Variants in HNMT observed in about 807,000 individuals in gnomAD.
HNMT encodes the protein histamine N-methyltransferase.
HNMT carries 30 observed loss-of-function variants against 32.1 expected under a neutral mutation model. That is an observed-to-expected ratio of 0.93 (90% CI 0.70 to 1.27). The LOEUF is 1.27. Among genes scored for constraint, HNMT ranks in the 50% most tolerant of loss-of-function variants. HNMT has a pLI of 0.00. For synonymous variants in HNMT, 125 were observed against 119.0 expected (o/e 1.05, Z -0.33); for missense variants, 327 against 346.0 (o/e 0.95, Z 0.43).
intron 5 of HNMT, among the ~76,000 whole-genome samples, chr2:138,005,693 T>C (rs1014297083): frequency 2.0e-5 from 3 of 152,080 alleles, no homozygotes; most frequent in African/African-American, 4.8e-5. Flanking sequence ...TATAGGTTTT[T>C]TCAAATGCCT....
At chr2:137,996,870 C>T (rs1266244461) in intron 2 of HNMT, among the ~76,000 whole-genome samples, 1 of 152,088 alleles carries the variant, frequency 6.6e-6, no homozygotes, top group Non-Finnish European at 1.5e-5. Context: ...TAACACCACA[C>T]ACCTACAACC....
chr2:137,984,486 G>A (rs1310342958), intron 2 of HNMT, among the ~76,000 whole-genome samples: 1 of 152,136 alleles, frequency 6.6e-6, no homozygotes, highest in African/African-American at 2.4e-5. Flanking sequence ...CAATGTCAAT[G>A]TGCCTATTAA....
intron 5 of HNMT, among the ~76,000 whole-genome samples, chr2:138,011,317 G>C (rs960748437): frequency 1.3e-5 from 2 of 152,050 alleles, no homozygotes; most frequent in Non-Finnish European, 2.9e-5. Context: ...ACAATCCACT[G>C]TCTTTGGAAT....
At chr2:137,985,186 C>A (rs765530165) in intron 2 of HNMT, among the ~76,000 whole-genome samples, 6 of 149,436 alleles carry the variant, frequency 4.0e-5, no homozygotes, top group Non-Finnish European at 8.9e-5. Context: ...AAAGGCAGTG[C>A]CACAGGAACC....
At position 138,005,131 on chromosome 2, in the gene HNMT, G is replaced by C; in HGVS notation, c.430-1G>C. On this transcript the variant is annotated splice_acceptor_variant, in intron 4 of 5. Coordinates refer to ENST00000280097, the MANE Select transcript of HNMT (RefSeq NM_006895.3). LOFTEE classifies it high-confidence loss of function. ...TCATTTCTCTTTTTCCTCCTTTCTAGATGCTGTATTATGTAAAAGACATCC... is the reference window on the plus strand; with the variant it reads ...TCATTTCTCTTTTTCCTCCTTTCTACATGCTGTATTATGTAAAAGACATCC... 1 of 1,527,214 alleles carries C rather than the reference G, an allele frequency of 6.5e-7. No homozygotes were observed. The highest frequency in any genetic ancestry group is 2.3e-5 in the East Asian group (1 of 44,350). 94.6% of individuals were successfully genotyped at this position (1,527,214 alleles called of 1,614,324 possible). A position where few individuals can be genotyped will look rare whatever the true frequency, so the allele number is the denominator to read the frequency against.
At chr2:138,002,704 C>G (rs1317300347) in intron 4 of HNMT, 28 of 647,772 alleles carry the variant, frequency 4.3e-5, no homozygotes, top group Admixed American at 1.3e-4. Flanking sequence ...TCTTCAACCT[C>G]CAAAAGTGTT....
Position 138,014,977 on chromosome 2 carries a change from G to A in HNMT, c.*847G>A, listed in dbSNP as rs944378229. On this transcript the variant is annotated 3_prime_UTR_variant, in exon 6 of 6. Transcript: ENST00000280097. ...GCCAGATGTATAAACAAAATTTATT[G>A]AAGAACAAAGAAACACAAAACTAAA... 1 of 151,830 alleles carries A rather than the reference G, an allele frequency of 6.6e-6. No homozygotes were observed. The highest frequency in any genetic ancestry group is 1.5e-5 in the Non-Finnish European group (1 of 67,916). The allele number at this position is 151,830 out of a possible 1,614,324, so 9.4% of individuals were successfully genotyped here. A position where few individuals can be genotyped will look rare whatever the true frequency, so the allele number is the denominator to read the frequency against.
In HNMT at chr2:138,013,924, G is replaced by A. The variant is rs898313214; in HGVS notation, c.673G>A (p.Asp225Asn). 1 of 1,613,620 alleles carries A rather than the reference G, an allele frequency of 6.2e-7. No individual in the cohort carries two copies. The highest frequency in any genetic ancestry group is 1.3e-5 in the African/African-American group (1 of 74,836). The change falls in exon 6 of 6, where the codon GAT (aspartate) becomes AAT (asparagine). Residue 225 changes from aspartate (D) to asparagine (N), a missense_variant. Transcript: ENST00000280097. ...YECYDLLSTM[D>N]ISDCFIDGNE... Reference sequence around the variant, plus strand: ...GTGCTATGACCTTTTGTCCACCATGGATATATCTGACTGCTTTATTGATGG... The same window carrying A: ...GTGCTATGACCTTTTGTCCACCATGAATATATCTGACTGCTTTATTGATGG...
chr2:137,993,438 T>C (rs1680886271), intron 2 of HNMT, among the ~76,000 whole-genome samples: 1 of 151,434 alleles, frequency 6.6e-6, no homozygotes, highest in Non-Finnish European at 1.5e-5. Flanking sequence ...ATCAACCAAG[T>C]GGAAGAAAGA....
chr2:137,973,729 T>C (rs1213965117), intron 2 of HNMT, among the ~76,000 whole-genome samples: 4 of 152,006 alleles, frequency 2.6e-5, no homozygotes, highest in South Asian at 2.1e-4. Context: ...CTAAAAGCCT[T>C]CCTAGATGAA....
Position 138,000,169 on chromosome 2 carries a change from G to A in HNMT, c.191-749G>A, listed in dbSNP as rs73961918. On this transcript the variant is annotated intron_variant, in intron 2 of 5. Coordinates refer to ENST00000280097, the MANE Select transcript of HNMT (RefSeq NM_006895.3). ...TCTTTTATTTTCTGTGTGTGCATCT[G>A]TCATCTTGTCCCCTGTACCTGCAAT... is the stretch of plus-strand genomic sequence containing the variant. 9.9e-3 allele frequency among the ~76,000 whole-genome samples: 1,510 copies of A among 152,192 alleles called. 28 individuals are homozygous for A. Among genetic ancestry groups the A allele is most frequent in the African/African-American group, 0.035 (1,455 of 41,510 alleles).
intron 2 of HNMT, chr2:137,991,959 G>A (rs1680831288): frequency 1.3e-5 from 2 of 152,226 alleles, no homozygotes; most frequent in South Asian, 4.1e-4. Flanking sequence ...GTGACCCACG[G>A]AGAGAAAGAA....
intron 2 of HNMT, among the ~76,000 whole-genome samples, chr2:137,986,931 G>GA (rs1024847250): frequency 6.6e-6 from 1 of 151,958 alleles, no homozygotes; most frequent in Non-Finnish European, 1.5e-5. Context: ...GATCAATTGA[G>GA]AAAATCAGTT....
chr2:137,970,067 T>C, intron 1 of HNMT, 98 bp from the exon 2 acceptor site: 1 of 610,068 alleles, frequency 1.6e-6, no homozygotes, highest in Non-Finnish European at 2.9e-6. Context: ...TTTTCATTCA[T>C]TGTATTTTTA....
At chr2:137,968,387 C>T (rs1192662055) in intron 1 of HNMT, among the ~76,000 whole-genome samples, 1 of 152,068 alleles carries the variant, frequency 6.6e-6, no homozygotes, top group Admixed American at 6.5e-5. Flanking sequence ...TTACATGTAC[C>T]TAGAATCATA....
At chr2:138,004,054 T>C (rs534258775) in intron 4 of HNMT, among the ~76,000 whole-genome samples, 1 of 152,250 alleles carries the variant, frequency 6.6e-6, no homozygotes, top group Admixed American at 6.5e-5. Context: ...TTACTCATTA[T>C]AGTCCTCACA....
chr2:137,976,505 G>A (rs926655583), intron 2 of HNMT, among the ~76,000 whole-genome samples: 3 of 152,048 alleles, frequency 2.0e-5, no homozygotes, highest in Non-Finnish European at 2.9e-5. Flanking sequence ...AATATTTTTC[G>A]GAGTAGTGTG....
chr2:137,988,544 A>AC (rs869046902), intron 2 of HNMT: 1 of 124,616 alleles, frequency 8.0e-6, no homozygotes, highest in Non-Finnish European at 1.7e-5. Context: ...TGAACTATTG[A>AC]CCCCCCTTTT....
chr2:137,979,103 ATG>A (rs1680401743), intron 2 of HNMT, among the ~76,000 whole-genome samples: 1 of 145,832 alleles, frequency 6.9e-6, no homozygotes, highest in Admixed American at 6.9e-5. Context: ...TATATATATT[ATG>A]TGTTATATAT....
Sources: gnomAD v4.1 joint callset for allele counts (sites outside exome capture counted in the v4.1 genomes callset) on GRCh38, gnomAD v4.1.1 for gene constraint, MANE v1.5 for transcripts, NCBI Gene and HGNC (gene_info 2026-07-23, HGNC 2026-07-21) for gene names.